TENM2: variants seen among roughly 807,000 people sequenced by gnomAD.
TENM2 encodes the protein teneurin-2.
Under a neutral mutation model 245.2 loss-of-function variants are expected in TENM2, and 52 were observed. That is an observed-to-expected ratio of 0.21 (90% CI 0.17 to 0.27). The LOEUF is 0.27. TENM2 is among the 10% of genes least tolerant of loss of function. The pLI is 1.00. For missense variants in TENM2, 3,046 were observed against 3,666.8 expected, an observed-to-expected ratio of 0.83 and a Z score of 4.37; for synonymous variants, 1,363 against 1,438.9, an observed-to-expected ratio of 0.95 and a Z score of 1.19.
At chr5:167,801,580 GA>G (rs1438242979) in intron 2 of TENM2, among the ~76,000 whole-genome samples, 8 of 152,128 alleles carry the variant, frequency 5.3e-5, no homozygotes, top group Non-Finnish European at 1.2e-4. Context: ...GACGCAAGAA[GA>G]GTTGGAATTG....
At chr5:167,669,769 TA>T (rs1241492618) in intron 2 of TENM2, among the ~76,000 whole-genome samples, 7 of 152,174 alleles carry the variant, frequency 4.6e-5, no homozygotes, top group African/African-American at 7.2e-5. Flanking sequence ...CAAAACGGTT[TA>T]AAGTGTAGCT....
intron 2 of TENM2, among the ~76,000 whole-genome samples, chr5:167,440,314 A>G (rs921155683): frequency 6.6e-6 from 1 of 152,244 alleles, no homozygotes; most frequent in Non-Finnish European, 1.5e-5. Context: ...AGTGAAATGT[A>G]GAACTAGGAC....
At chr5:167,057,648 G>A in the TENM2 span, among the ~76,000 whole-genome samples, 1 of 152,136 alleles carries the variant, frequency 6.6e-6, no homozygotes, top group Non-Finnish European at 1.5e-5. Context: ...GAGAAAACTG[G>A]AGTTGATATT....
intron 2 of TENM2, among the ~76,000 whole-genome samples, chr5:167,479,217 G>A (rs1290021753): frequency 6.6e-6 from 1 of 152,134 alleles, no homozygotes; most frequent in Non-Finnish European, 1.5e-5. Flanking sequence ...GTAAAGACCA[G>A]AATACTTGGA....
intron 2 of TENM2, among the ~76,000 whole-genome samples, chr5:167,541,276 T>A (rs756542357): frequency 6.6e-6 from 1 of 152,166 alleles, no homozygotes; most frequent in Non-Finnish European, 1.5e-5. Context: ...TCATTCCAAA[T>A]TCCTATTTAC....
chr5:167,524,461 A>G (rs1185662417), intron 2 of TENM2, among the ~76,000 whole-genome samples: 1 of 152,116 alleles, frequency 6.6e-6, no homozygotes, highest in Non-Finnish European at 1.5e-5. Context: ...AACATGGGTA[A>G]ATATCTTTAT....
chr5:167,417,650 G>T (rs997148096), intron 2 of TENM2, among the ~76,000 whole-genome samples: 2 of 152,066 alleles, frequency 1.3e-5, no homozygotes, highest in East Asian at 3.9e-4. Flanking sequence ...GCATTCCTAC[G>T]TGGTAAGTGG....
chr5:167,504,548 T>C (rs1331917109), intron 2 of TENM2, among the ~76,000 whole-genome samples: 3 of 152,176 alleles, frequency 2.0e-5, no homozygotes, highest in South Asian at 2.1e-4. Flanking sequence ...TTTGAAACCA[T>C]ATAATGAAAA....
chr5:167,365,569 A>G (rs890054403), intron 1 of TENM2, among the ~76,000 whole-genome samples: 1 of 151,592 alleles, frequency 6.6e-6, no homozygotes, highest in African/African-American at 2.4e-5. Flanking sequence ...AAGAAAGAAT[A>G]CTGTTAGAGA....
chr5:167,898,014 A>T (rs1222794694), intron 3 of TENM2, among the ~76,000 whole-genome samples: 1 of 151,766 alleles, frequency 6.6e-6, no homozygotes, highest in African/African-American at 2.4e-5. Flanking sequence ...ATTTGCACAC[A>T]GAAGACATGA....
chr5:167,062,191 G>GTGTT, the TENM2 span, among the ~76,000 whole-genome samples: 1 of 152,002 alleles, frequency 6.6e-6, no homozygotes, highest in Non-Finnish European at 1.5e-5. Context: ...AATTCCTCAA[G>GTGTT]TGTTTTCTCT....
intron 1 of TENM2, chr5:167,309,853 G>A (rs1755912351): frequency 6.6e-6 from 1 of 152,184 alleles, no homozygotes; most frequent in South Asian, 2.1e-4. Context: ...GAGAAGCCAA[G>A]GCTTCCCGGA....
the TENM2 span, among the ~76,000 whole-genome samples, chr5:167,072,419 C>G: frequency 3.5e-3 from 525 of 152,036 alleles, 4 homozygotes; most frequent in African/African-American, 0.012. Context: ...TTGGTTGGTG[C>G]GGAGGGCAGG....
intron 2 of TENM2, among the ~76,000 whole-genome samples, chr5:167,634,660 C>CT (rs879311468): frequency 4.8e-4 from 69 of 143,990 alleles, no homozygotes; most frequent in East Asian, 1.2e-3. Flanking sequence ...AATAAAGCTT[C>CT]TTTTTTTTTT....
Position 168,218,987 on chromosome 5 carries a change from C to T in TENM2, c.5096C>T (p.Thr1699Met), listed in dbSNP as rs776975573. 35 of 1,612,840 alleles carry T rather than the reference C, an allele frequency of 2.2e-5. No homozygotes were observed. The highest frequency in any genetic ancestry group is 2.8e-5 in the Non-Finnish European group (33 of 1,179,290). The stretch of plus-strand genomic sequence containing the variant: ...ACCAAGAGCGATGAAACAGGATGGA[C>T]GACTTTCTATGAGTAAGTGGGTTTG... The change falls in exon 23 of 29, where the codon ACG (threonine) becomes ATG (methionine). Residue 1699 changes from threonine (T) to methionine (M), a missense_variant. By Grantham distance (81) the Thr-to-Met change is moderately conservative. This residue lies in a region of TENM2 where 2,704 missense variants were observed against 3,331.9 expected (regional missense o/e 0.81). Coordinates refer to ENST00000518659, the Ensembl canonical transcript of TENM2. The surrounding 1 kb of genome is among the most constrained non-coding windows in gnomAD (Gnocchi z 5.2).
At chr5:168,175,557 A>G (rs1451666728) in intron 13 of TENM2, among the ~76,000 whole-genome samples, 3 of 152,080 alleles carry the variant, frequency 2.0e-5, no homozygotes, top group African/African-American at 7.3e-5. Context: ...TAACTAACAA[A>G]GAAGCTGAGG....
chr5:167,103,742 G>T, the TENM2 span, among the ~76,000 whole-genome samples: 1 of 151,942 alleles, frequency 6.6e-6, no homozygotes, highest in Non-Finnish European at 1.5e-5. Flanking sequence ...GTTTTTAGAA[G>T]ATATTTTACA....
In TENM2 at chr5:167,801,743, G is replaced by A. The variant is rs186677517; in HGVS notation, c.503-74243G>A. Among the ~76,000 whole-genome samples, 460 of 152,258 alleles carry A rather than the reference G, an allele frequency of 3.0e-3. 2 individuals carry two copies. Among genetic ancestry groups the A allele is most frequent in the Non-Finnish European group, 5.3e-3 (360 of 68,020 alleles). ...ATGCAGGCTCATATTTGATTTGTAT[G>A]TATGGACTGGTAGAGATATGACACT... On this transcript the variant is annotated intron_variant, in intron 2 of 28. Transcript: ENST00000518659.
chr5:166,979,783 AG>A, the TENM2 span, among the ~76,000 whole-genome samples: 134,981 of 151,962 alleles, frequency 0.89, 59,955 homozygotes, highest in Admixed American at 0.9. Flanking sequence ...CATGAGTTTC[AG>A]GGGGGGAGGG....
Sources: allele counts gnomAD v4.1 joint callset (sites outside exome capture counted in the v4.1 genomes callset), GRCh38; gene constraint gnomAD v4.1.1; regional missense constraint gnomAD v4.1.1; non-coding constraint Gnocchi (gnomAD v3.1); transcripts MANE v1.5; gene names NCBI Gene and HGNC (gene_info 2026-07-23, HGNC 2026-07-21).